Variants in CDKN2C observed in about 807,000 individuals in gnomAD.
The protein encoded by CDKN2C is cyclin dependent kinase inhibitor 2C.
Under a neutral mutation model 11.0 loss-of-function variants are expected in CDKN2C, and 5 were observed. The ratio of observed to expected loss-of-function variants is 0.45; its 90% confidence interval spans 0.24 to 0.95. CDKN2C has a LOEUF of 0.95. Ranked by LOEUF, CDKN2C falls within the 40% of genes least tolerant of loss-of-function variation. The pLI is 0.21. For synonymous variants in CDKN2C, 79 were observed against 88.3 expected (o/e 0.89, Z 0.59); for missense variants, 161 against 211.9 (o/e 0.76, Z 1.49).
At chr1:50,968,572 G>A (rs1278718279), upstream of CDKN2C, 1 of 152,424 alleles carries the variant, frequency 6.6e-6, no homozygotes, top group Non-Finnish European at 1.5e-5. Context: ...TGGAGAGCGG[G>A]AGGCGGGAAT....
At chr1:50,973,848 A>C in intron 1 of CDKN2C, 45 bp from the exon 2 acceptor site, 3 of 1,597,070 alleles carry the variant, frequency 1.9e-6, no homozygotes, top group Non-Finnish European at 2.6e-6. Context: ...ATATCTCTGT[A>C]GCATATGCAC....
intron 1 of CDKN2C, among the ~76,000 whole-genome samples, chr1:50,961,014 T>TTTTA (rs139937761): frequency 2.6e-3 from 383 of 149,586 alleles, no homozygotes; most frequent in African/African-American, 4.6e-3. Context: ...GTCAGTCTAT[T>TTTTA]TTTATTTATT....
upstream of CDKN2C, chr1:50,967,918 C>T (rs1303397760): frequency 6.6e-6 from 1 of 152,200 alleles, no homozygotes; most frequent in East Asian, 1.9e-4. Context: ...TGCTTTTCTC[C>T]TTTTTCTCTA....
intron 1 of CDKN2C, 62 bp from the exon 2 acceptor site, chr1:50,973,831 T>C: frequency 6.3e-7 from 1 of 1,579,726 alleles, no homozygotes; most frequent in Non-Finnish European, 8.7e-7. Context: ...CAGGCAGATA[T>C]TTTAAAATAT....
intron 1 of CDKN2C, among the ~76,000 whole-genome samples, chr1:50,971,482 C>T (rs918538834): frequency 2.0e-5 from 3 of 152,170 alleles, no homozygotes; most frequent in Non-Finnish European, 4.4e-5. Flanking sequence ...ACAGTCTGTA[C>T]ATTTTCAGTC....
chr1:50,973,801 TAGTTACATAAATGGA>T (rs1645392374), intron 1 of CDKN2C, 77 bp from the exon 2 acceptor site: 7 of 1,464,916 alleles, frequency 4.8e-6, no homozygotes, highest in Non-Finnish European at 6.6e-6. Flanking sequence ...CAAAAATAAA[TAGTTACATAAATGGA>T]AGGACAGGCA....
upstream of CDKN2C, chr1:50,969,581 C>G (rs912086481): frequency 6.6e-6 from 1 of 152,336 alleles, no homozygotes; most frequent in African/African-American, 2.4e-5. This position sits in a 1 kb window ranked among gnomAD's most constrained non-coding sequence, Gnocchi z 6.6. Flanking sequence ...GCCTGGCGGG[C>G]GGGCTCCGGA....
At chr1:50,965,255 T>C (rs1645342674), upstream of CDKN2C, among the ~76,000 whole-genome samples, 1 of 152,056 alleles carries the variant, frequency 6.6e-6, no homozygotes, top group South Asian at 2.1e-4. Flanking sequence ...ATCCTAGCAC[T>C]GTGGGAGGCT....
chr1:50,963,013 T>G (rs1306528983), intron 1 of CDKN2C, among the ~76,000 whole-genome samples: 2 of 152,230 alleles, frequency 1.3e-5, no homozygotes, highest in African/African-American at 2.4e-5. Context: ...TGTTGAATGA[T>G]CAAATGCTTG....
chr1:50,972,592 A>G (rs1045908989), intron 1 of CDKN2C, among the ~76,000 whole-genome samples: 2 of 152,122 alleles, frequency 1.3e-5, no homozygotes, highest in Non-Finnish European at 2.9e-5. Context: ...ATATAAATAA[A>G]CCAGTGTAAA....
intron 1 of CDKN2C, 94 bp downstream of exon 1, chr1:50,970,591 A>G (rs1645374477): frequency 7.0e-7 from 1 of 1,429,208 alleles, no homozygotes; most frequent in East Asian, 2.3e-5. Context: ...TCAGGGACAT[A>G]AAATTTCACT....
upstream of CDKN2C, chr1:50,969,495 C>G (rs1015004782): frequency 6.6e-6 from 1 of 152,090 alleles, no homozygotes; most frequent in African/African-American, 2.4e-5. This position sits in a 1 kb window ranked among gnomAD's most constrained non-coding sequence, Gnocchi z 6.6. Flanking sequence ...GGGGGCCCGC[C>G]GCACGCCCGG....
At chr1:50,967,022 T>C (rs574800030), upstream of CDKN2C, among the ~76,000 whole-genome samples, 8 of 152,346 alleles carry the variant, frequency 5.3e-5, no homozygotes, top group East Asian at 1.9e-4. Flanking sequence ...ATGAAAATTA[T>C]AGTACGTTTA....
rs756815289 is a variant in CDKN2C at position 50,974,150 on chromosome 1, T to C, written c.387T>C (p.Asn129=). ...TCCTGGTGAAGCACACGGCCAGCAA[T>C]GTGGGGCATCGGAACCATAAGGGGG... ...VEFLVKHTAS[N]VGHRNHKGDT... Residue 129 remains asparagine (N), a synonymous_variant, in exon 2 of 2, where the codon AAT becomes AAC. Coordinates refer to ENST00000371761, the MANE Select transcript of CDKN2C (RefSeq NM_078626.3). 1.2e-6 allele frequency: 2 copies of C among 1,613,920 alleles called. No homozygotes were observed. Among genetic ancestry groups the C allele is most frequent in the African/African-American group, 2.7e-5 (2 of 74,888 alleles).
intron 1 of CDKN2C, among the ~76,000 whole-genome samples, chr1:50,973,074 C>T (rs1645388832): frequency 6.6e-6 from 1 of 152,064 alleles, no homozygotes; most frequent in Admixed American, 6.6e-5. Context: ...ACAATAATTT[C>T]CTACTGTGAT....
intron 1 of CDKN2C, among the ~76,000 whole-genome samples, chr1:50,970,771 G>A (rs949748927): frequency 1.3e-5 from 2 of 152,184 alleles, no homozygotes; most frequent in African/African-American, 4.8e-5. Flanking sequence ...GGATTTTAAA[G>A]TAGTCAGTGT....
chr1:50,966,792 G>A (rs918988833), upstream of CDKN2C, among the ~76,000 whole-genome samples: 1 of 150,500 alleles, frequency 6.6e-6, no homozygotes, highest in African/African-American at 2.4e-5. Context: ...CAAAACCACT[G>A]AAGTAGCCAT....
chr1:50,973,552 T>G (rs1645390977), intron 1 of CDKN2C, among the ~76,000 whole-genome samples: 2 of 152,236 alleles, frequency 1.3e-5, no homozygotes, highest in African/African-American at 2.4e-5. Flanking sequence ...GTTATTTTAA[T>G]AAATTCGTGA....
chr1:50,973,261 T>C (rs1051408918), intron 1 of CDKN2C, among the ~76,000 whole-genome samples: 5 of 152,226 alleles, frequency 3.3e-5, no homozygotes, highest in African/African-American at 1.2e-4. Context: ...AAAATATTTT[T>C]AAGAAATGCT....
Sources: gnomAD v4.1 joint callset for allele counts (sites outside exome capture counted in the v4.1 genomes callset) on GRCh38, gnomAD v4.1.1 for gene constraint, Gnocchi (gnomAD v3.1) non-coding constraint, MANE v1.5 for transcripts, NCBI Gene and HGNC (gene_info 2026-07-23, HGNC 2026-07-21) for gene names.